SMARCA2: variants seen among roughly 807,000 people sequenced by gnomAD.
SMARCA2 encodes the protein SWI/SNF related BAF chromatin remodeling complex subunit ATPase 2.
Under a neutral mutation model 199.8 loss-of-function variants are expected in SMARCA2, and 61 were observed. That is an observed-to-expected ratio of 0.31 (90% CI 0.25 to 0.38). The LOEUF is 0.38. Ranked by LOEUF, SMARCA2 falls within the 10% of genes least tolerant of loss-of-function variation. SMARCA2 has a pLI of 1.00. For synonymous variants in SMARCA2, 935 were observed against 732.0 expected (o/e 1.28, Z -4.48); for missense variants, 1,344 against 2,012.2 (o/e 0.67, Z 6.35).
intron 9 of SMARCA2, among the ~76,000 whole-genome samples, chr9:2,062,962 C>A (rs7855219): frequency 0.072 from 10,975 of 152,068 alleles, 1,031 homozygotes; most frequent in African/African-American, 0.22. Flanking sequence ...TTGGCAAACG[C>A]GTAATAGTTG....
At chr9:2,025,467 G>T (rs745533929) in intron 1 of SMARCA2, among the ~76,000 whole-genome samples, 8 of 152,178 alleles carry the variant, frequency 5.3e-5, no homozygotes, top group African/African-American at 1.7e-4. Flanking sequence ...AATAGATTTT[G>T]TGTGTTATTA....
At chr9:2,130,597 A>G (rs770842831) in intron 27 of SMARCA2, among the ~76,000 whole-genome samples, 1 of 152,234 alleles carries the variant, frequency 6.6e-6, no homozygotes, top group African/African-American at 2.4e-5. Context: ...TATTCCATCC[A>G]TTACAGTTTT....
chr9:2,076,515 A>T, intron 13 of SMARCA2, among the ~76,000 whole-genome samples, 186 bp downstream of exon 13: 1 of 148,832 alleles, frequency 6.7e-6, no homozygotes. Flanking sequence ...TTGATTCTCC[A>T]TCCCTCCCTC....
chr9:2,185,199 C>A (rs565764657), intron 31 of SMARCA2, among the ~76,000 whole-genome samples: 2 of 152,288 alleles, frequency 1.3e-5, no homozygotes, highest in South Asian at 4.1e-4. Context: ...TCCCCCAGCC[C>A]CTGGCACCCA....
At position 2,169,534 on chromosome 9, in the gene SMARCA2, G is replaced by A. The variant is rs1423414554; in HGVS notation, c.4200-885G>A. 6.6e-6 allele frequency among the ~76,000 whole-genome samples: 1 copy of A among 152,080 alleles called. No homozygotes were observed. The highest frequency in any genetic ancestry group is 1.5e-5 in the Non-Finnish European group (1 of 68,022). ...CACCCCTCTGTTGATTTGTTTATGG[G>A]TTTATGCTTTTCCCTCTCTGCAACA... On this transcript the variant is annotated intron_variant, in intron 28 of 33. Coordinates refer to ENST00000349721, the MANE Select transcript of SMARCA2 (RefSeq NM_003070.5). This position sits in a 1 kb window ranked among gnomAD's most constrained non-coding sequence, Gnocchi z 6.5.
intron 10 of SMARCA2, among the ~76,000 whole-genome samples, chr9:2,072,662 G>A (rs2130423937): frequency 6.6e-6 from 1 of 152,330 alleles, no homozygotes; most frequent in Non-Finnish European, 1.5e-5. Context: ...GTTGAGGAAT[G>A]GGGATTGTTA....
At chr9:2,061,038 G>A in intron 9 of SMARCA2, 52 bp downstream of exon 9, 1 of 1,550,114 alleles carries the variant, frequency 6.5e-7, no homozygotes, top group Non-Finnish European at 8.8e-7. Context: ...GCAGGGATAA[G>A]TTTTTAAGGC....
At chr9:2,030,258 C>A (rs1390472572) in intron 2 of SMARCA2, among the ~76,000 whole-genome samples, 1 of 152,132 alleles carries the variant, frequency 6.6e-6, no homozygotes, top group African/African-American at 2.4e-5. Context: ...GCTGAGAGTT[C>A]TATTATCTGC....
Position 2,045,466 on chromosome 9 carries a change from T to TC in SMARCA2, c.791-1759dup, listed in dbSNP as rs1308023944. On this transcript the variant is annotated intron_variant, in intron 4 of 33. Coordinates refer to ENST00000349721, the MANE Select transcript of SMARCA2 (RefSeq NM_003070.5). ...CTCCAGGGAAAAATATTCTAAAACT[T>TC]CCCCTGATAACTTACTCCAATGCAT... is the stretch of plus-strand genomic sequence containing the variant. 6 of 152,048 alleles carry TC rather than the reference T, an allele frequency of 3.9e-5. No homozygotes were observed. In the East Asian group the frequency reaches 1.2e-3, roughly 29 times the overall value. The allele number at this position is 152,048 out of a possible 1,614,324, so 9.4% of individuals were successfully genotyped here. A position where few individuals can be genotyped will look rare whatever the true frequency, so the allele number is the denominator to read the frequency against.
At chr9:2,183,414 G>A (rs999483110) in intron 31 of SMARCA2, among the ~76,000 whole-genome samples, 4 of 152,100 alleles carry the variant, frequency 2.6e-5, no homozygotes, top group Non-Finnish European at 4.4e-5. Flanking sequence ...AATAACCAAG[G>A]TGAGGGCACT....
intron 1 of SMARCA2, among the ~76,000 whole-genome samples, chr9:2,018,836 G>A (rs1818475791): frequency 6.6e-6 from 1 of 152,170 alleles, no homozygotes; most frequent in Admixed American, 6.5e-5. Flanking sequence ...TTTTCCATCT[G>A]TTATCAGGGG....
chr9:2,145,026 A>G (rs904660995), intron 27 of SMARCA2, among the ~76,000 whole-genome samples: 2 of 152,202 alleles, frequency 1.3e-5, no homozygotes, highest in Admixed American at 6.5e-5. Flanking sequence ...CGCGCTGGTT[A>G]TGGTGGCTCA....
Position 2,056,474 on chromosome 9 carries a change from T to G in SMARCA2, c.1174-198T>G, listed in dbSNP as rs1484513990. ...GATTTGAATTATTTGGGGAGAAAAA[T>G]CTTGTACCGTTCTTGAAAATATTGC... On this transcript the variant is annotated intron_variant, in intron 6 of 33. Coordinates refer to ENST00000349721, the MANE Select transcript of SMARCA2 (RefSeq NM_003070.5). The surrounding 1 kb of genome is among the most constrained non-coding windows in gnomAD (Gnocchi z 4.0). Among the ~76,000 whole-genome samples, 29 of 152,202 alleles carry G rather than the reference T, an allele frequency of 1.9e-4. No homozygotes were observed. Among genetic ancestry groups the G allele is most frequent in the Non-Finnish European group, 4.4e-5 (3 of 68,028 alleles).
At chr9:2,076,736 C>G (rs1225032348) in intron 13 of SMARCA2, among the ~76,000 whole-genome samples, 1 of 151,984 alleles carries the variant, frequency 6.6e-6, no homozygotes, top group African/African-American at 2.4e-5. Context: ...CCCTGAAACC[C>G]AAGTGAGAGA....
chr9:2,055,169 T>C (rs1010142298), intron 6 of SMARCA2, among the ~76,000 whole-genome samples: 1 of 152,264 alleles, frequency 6.6e-6, no homozygotes, highest in African/African-American at 2.4e-5. Context: ...GAATTAGTGG[T>C]TCATCATTTA....
chr9:2,031,147 T>C (rs1819051205), intron 2 of SMARCA2, among the ~76,000 whole-genome samples: 1 of 152,192 alleles, frequency 6.6e-6, no homozygotes, highest in African/African-American at 2.4e-5. Flanking sequence ...TGTTAATTAC[T>C]CTGTAACTTT....
Position 2,115,840 on chromosome 9 carries a change from C to T in SMARCA2, c.3475C>T (p.Arg1159Ter). ...CAAACAGGATCTGCAGGCCCAAGAC[C>T]GAGCTCACCGCATCGGGCAGCAGAA... ...NPHQDLQAQD[R>*]AHRIGQQNEV... The change falls in exon 25 of 34, where the codon CGA becomes TGA. Residue 1159 changes from arginine (R) to a stop codon, truncating the protein, a stop_gained. Coordinates refer to ENST00000349721, the MANE Select transcript of SMARCA2 (RefSeq NM_003070.5). LOFTEE classifies it high-confidence loss of function. This position sits in a 1 kb window ranked among gnomAD's most constrained non-coding sequence, Gnocchi z 6.0. 6.2e-7 allele frequency: 1 copy of T among 1,613,800 alleles called. No homozygotes were observed.
chr9:2,039,921 A>G lies in SMARCA2; in HGVS notation c.790+21A>G. ...ATCTGGTAGGTTAATACGCAACCAAATGAATAATGCCATGGTCCAACTCGG... is the reference window on the plus strand; with the variant it reads ...ATCTGGTAGGTTAATACGCAACCAAGTGAATAATGCCATGGTCCAACTCGG... On this transcript the variant is annotated intron_variant, in intron 4 of 33. Coordinates refer to ENST00000349721, the MANE Select transcript of SMARCA2 (RefSeq NM_003070.5). The surrounding 1 kb of genome is among the most constrained non-coding windows in gnomAD (Gnocchi z 4.8). 3 of 1,611,274 alleles carry G rather than the reference A, an allele frequency of 1.9e-6. No individual in the cohort carries two copies. Among genetic ancestry groups the G allele is most frequent in the Non-Finnish European group, 2.5e-6 (3 of 1,178,752 alleles).
intron 15 of SMARCA2, among the ~76,000 whole-genome samples, chr9:2,082,350 T>TGTGA (rs370220959): frequency 0.087 from 12,198 of 140,280 alleles, 1,303 homozygotes; most frequent in African/African-American, 0.25. Flanking sequence ...TGTGTGTGTG[T>TGTGA]GATTTCTTTG....
Sources: gnomAD v4.1 joint callset for allele counts (sites outside exome capture counted in the v4.1 genomes callset) on GRCh38, gnomAD v4.1.1 for gene constraint, Gnocchi (gnomAD v3.1) non-coding constraint, MANE v1.5 for transcripts, NCBI Gene and HGNC (gene_info 2026-07-23, HGNC 2026-07-21) for gene names.